The following MAGED1 variants were observed in gnomAD, a reference collection of about 807,000 sequenced individuals.
MAGED1 encodes MAGE family member D1, also known as melanoma-associated antigen D1.
MAGED1 carries 3 observed loss-of-function variants against 54.1 expected under a neutral mutation model. The observed-to-expected ratio is 0.06, with a 90% CI of 0.03 to 0.14. MAGED1 has a LOEUF of 0.14. Ranked by LOEUF, MAGED1 falls within the 10% of genes least tolerant of loss-of-function variation. MAGED1 has a pLI of 1.00. For missense variants in MAGED1, 485 were observed against 623.4 expected, an observed-to-expected ratio of 0.78 and a Z score of 2.36; for synonymous variants, 217 against 227.3, an observed-to-expected ratio of 0.95 and a Z score of 0.41.
intron 1 of MAGED1, among the ~76,000 whole-genome samples, chrX:51,804,865 A>G (rs1924974563): frequency 1.8e-5 from 2 of 111,967 alleles, no homozygotes; most frequent in African/African-American, 6.5e-5. Context: ...CTATGCAGAT[A>G]TTAATGGGAA....
intron 1 of MAGED1, among the ~76,000 whole-genome samples, chrX:51,805,965 C>CTTTTTT (rs57427122): frequency 5.1e-4 from 19 of 36,948 alleles, no homozygotes; most frequent in South Asian, 3.8e-3. Context: ...CTTTTCTTTT[C>CTTTTTT]TTTTTTTTTT....
chrX:51,813,243 G>A (rs782532627), intron 1 of MAGED1, among the ~76,000 whole-genome samples: 56 of 109,506 alleles, frequency 5.1e-4, no homozygotes, highest in African/African-American at 1.8e-3. Context: ...GGCTGGTCTC[G>A]AACTTCCGAC....
intron 1 of MAGED1, among the ~76,000 whole-genome samples, chrX:51,820,998 A>C (rs1328803563): frequency 1.8e-5 from 2 of 111,622 alleles, no homozygotes; most frequent in Non-Finnish European, 3.8e-5. Flanking sequence ...TTAAGATTCC[A>C]CAAATGAGTG....
intron 2 of MAGED1, chrX:51,894,826 CCCT>C: frequency 1.8e-6 from 2 of 1,138,290 alleles, no homozygotes; most frequent in Non-Finnish European, 2.3e-6. Flanking sequence ...ACCGCCCCAC[CCCT>C]CATTTTGCCC....
intron 1 of MAGED1, among the ~76,000 whole-genome samples, chrX:51,872,751 T>C: frequency 8.9e-6 from 1 of 112,277 alleles, no homozygotes; most frequent in East Asian, 2.8e-4. Flanking sequence ...CCAGCAATTA[T>C]AATGCACTTG....
chrX:51,839,447 T>A (rs975026282), intron 1 of MAGED1, among the ~76,000 whole-genome samples: 2 of 112,016 alleles, frequency 1.8e-5, no homozygotes, highest in African/African-American at 6.5e-5. Context: ...TTCAGATCCA[T>A]GACAAGTCCT....
In MAGED1 at chrX:51,895,009, C is replaced by G. The variant is rs375817044; in HGVS notation, c.46-44C>G. On this transcript the variant is annotated intron_variant, in intron 2 of 12. Coordinates refer to ENST00000326587, the MANE Select transcript of MAGED1 (RefSeq NM_006986.4). ...TCCCTATTCCCACCCCACCTCCTGCCTCAGAGGCCCAGAGATTTAATTTTT... is the reference window on the plus strand; with the variant it reads ...TCCCTATTCCCACCCCACCTCCTGCGTCAGAGGCCCAGAGATTTAATTTTT... 79 of 1,092,376 alleles carry G rather than the reference C, an allele frequency of 7.2e-5. No individual in the cohort carries two copies. The African/African-American group carries it at 1.4e-3, about 19-fold the overall frequency. The allele number at this position is 1,092,376 out of a possible 1,213,427, so 90.0% of individuals were successfully genotyped here. A position where few individuals can be genotyped will look rare whatever the true frequency, so the allele number is the denominator to read the frequency against.
chrX:51,864,878 C>T, intron 1 of MAGED1, among the ~76,000 whole-genome samples: 1 of 111,603 alleles, frequency 9.0e-6, no homozygotes, highest in Non-Finnish European at 1.9e-5. Flanking sequence ...TCTGTATATA[C>T]GATTATGTCA....
At chrX:51,864,268 A>G (rs1927385595) in intron 1 of MAGED1, among the ~76,000 whole-genome samples, 1 of 110,513 alleles carries the variant, frequency 9.0e-6, no homozygotes, top group African/African-American at 3.3e-5. Context: ...AGTTTTTCCA[A>G]CACCATTTGT....
At position 51,886,954 on chromosome X, in the gene MAGED1, G is replaced by T. The variant is rs1313726468; in HGVS notation, c.-36-7315G>T. ...ACCTGTGGTCCCAGCTACTTGGGAG[G>T]CTGAAGTGGGAGGATCGCTTGAGCC... On this transcript the variant is annotated intron_variant, in intron 1 of 12. Transcript: ENST00000375772. Among the ~76,000 whole-genome samples, 23 of 110,154 alleles carry T rather than the reference G, an allele frequency of 2.1e-4. No homozygotes were observed. In the Admixed American group the frequency reaches 2.2e-3, roughly 11 times the overall value.
chrX:51,897,857 C>T lies in MAGED1; in HGVS notation c.1629C>T (p.Thr543=). Residue 543 remains threonine, a synonymous_variant, in exon 7 of 13, where the codon ACC becomes ACT. Transcript: ENST00000326587. ...AACACCTGTATATTCTCATCAGTAC[C>T]CCCGAGTCCCTGGCTGGCATACTGG... is the stretch of plus-strand genomic sequence containing the variant. ...KEEHLYILIS[T]PESLAGILGT... The T allele has an allele frequency of 8.3e-7, 1 of 1,204,549 alleles. No individual in the cohort carries two copies. The highest frequency in any genetic ancestry group is 1.1e-6 in the Non-Finnish European group (1 of 890,625).
chrX:51,893,265 C>A (rs934287622), upstream of MAGED1, among the ~76,000 whole-genome samples: 1 of 110,026 alleles, frequency 9.1e-6, no homozygotes, highest in African/African-American at 3.3e-5. Context: ...GAGATGCAAG[C>A]CGGCCTGACA....
chrX:51,888,351 T>C (rs1413682400), intron 1 of MAGED1, among the ~76,000 whole-genome samples: 3 of 111,801 alleles, frequency 2.7e-5, no homozygotes, highest in Non-Finnish European at 5.6e-5. Flanking sequence ...AGAGGATATA[T>C]GGATGGCAGA....
intron 1 of MAGED1, among the ~76,000 whole-genome samples, chrX:51,818,990 A>T (rs1925529906): frequency 8.9e-6 from 1 of 111,732 alleles, no homozygotes; most frequent in Non-Finnish European, 1.9e-5. Flanking sequence ...AATACAACAA[A>T]ACATTTACTT....
intron 1 of MAGED1, among the ~76,000 whole-genome samples, chrX:51,865,791 G>A (rs1268748751): frequency 4.5e-5 from 5 of 111,632 alleles, no homozygotes; most frequent in Admixed American, 3.8e-4. Flanking sequence ...CCCTAATTTG[G>A]GAGAGAGGCC....
chrX:51,804,697 A>C (rs1191806324), intron 1 of MAGED1, among the ~76,000 whole-genome samples: 3 of 111,395 alleles, frequency 2.7e-5, no homozygotes, highest in African/African-American at 9.8e-5. Context: ...GAAACAAAAA[A>C]ATACATGAAG....
chrX:51,850,624 C>T (rs782638289), intron 1 of MAGED1, among the ~76,000 whole-genome samples: 4 of 111,438 alleles, frequency 3.6e-5, no homozygotes, highest in East Asian at 2.8e-4. Context: ...GCTGGCTGGG[C>T]GCAGTGGCTC....
intron 1 of MAGED1, among the ~76,000 whole-genome samples, chrX:51,835,199 C>T (rs946158712): frequency 9.0e-6 from 1 of 111,608 alleles, no homozygotes; most frequent in African/African-American, 3.3e-5. Flanking sequence ...GTTGAAAATA[C>T]TGTAAGTTGA....
rs1929030922 is a variant in MAGED1 at position 51,901,653 on chromosome X, G to A, written c.2060G>A (p.Arg687Gln). 3 of 1,211,311 alleles carry A rather than the reference G, an allele frequency of 2.5e-6. No individual in the cohort carries two copies. The highest frequency in any genetic ancestry group is 2.3e-4 in the Middle Eastern group (1 of 4,353). The change falls in exon 12 of 13, where the codon CGG becomes CAG. Residue 687 changes from arginine (R) to glutamine (Q), a missense_variant. Transcript: ENST00000326587. The part of the protein sequence containing the change: ...LDAAAAEAEA[R>Q]AEARTRMGIG... ...GCTGCTGCAGCTGAGGCCGAAGCCC[G>A]GGCTGAAGCAAGAACCCGCATGGGA...
Sources: gnomAD v4.1 joint callset for allele counts (sites outside exome capture counted in the v4.1 genomes callset) on GRCh38, gnomAD v4.1.1 for gene constraint, MANE v1.5 for transcripts, NCBI Gene and HGNC (gene_info 2026-07-23, HGNC 2026-07-21) for gene names.